The following KDM7A variants were observed in gnomAD, a reference collection of about 807,000 sequenced individuals.
KDM7A encodes the protein lysine demethylase 7A, also known as lysine-specific demethylase 7A.
In KDM7A, 28 loss-of-function variants were observed where a neutral mutation model predicts 114.8. The observed-to-expected ratio is 0.24, with a 90% CI of 0.18 to 0.33. The LOEUF is 0.33. Ranked by LOEUF, KDM7A falls within the 10% of genes least tolerant of loss-of-function variation. The pLI, the probability that KDM7A is intolerant of heterozygous loss-of-function variation, is 1.00. For missense variants in KDM7A, 942 were observed against 1,142.5 expected (o/e 0.82, Z 2.53); for synonymous variants, 423 against 397.8 (o/e 1.06, Z -0.75).
At chr7:140,101,479 CT>C (rs140588208) in intron 12 of KDM7A, among the ~76,000 whole-genome samples, 201 of 152,308 alleles carry the variant, frequency 1.3e-3, no homozygotes, top group African/African-American at 4.7e-3. Flanking sequence ...ACCTGAGAGG[CT>C]CTCTGACCAC....
Position 140,084,952 on chromosome 7 carries a change from CT to C in KDM7A, c.*6141del, listed in dbSNP as rs1817898595. 1 of 152,180 alleles carries C rather than the reference CT, an allele frequency of 6.6e-6. No individual in the cohort carries two copies. The highest frequency in any genetic ancestry group is 6.5e-5 in the Admixed American group (1 of 15,282). 9.4% of individuals were successfully genotyped at this position (152,180 alleles called of 1,614,324 possible). A position where few individuals can be genotyped will look rare whatever the true frequency, so the allele number is the denominator to read the frequency against. On this transcript the variant is annotated 3_prime_UTR_variant, in exon 20 of 20. Transcript: ENST00000397560. ...CTTTAAACAAGTCACTTGTCCTCCC[CT>C]ATAATAATCAATGTAAGCTACTTAA...
rs1032394892 is a variant in KDM7A at position 140,176,501 on chromosome 7, G to C, written c.194+243C>G. Reference sequence around the variant, plus strand: ...ACTTATCCGCCGGCCCTCTTTGTTCGTGTTTGTTGTGGCGACTCTTCGCCC... The same window carrying C: ...ACTTATCCGCCGGCCCTCTTTGTTCCTGTTTGTTGTGGCGACTCTTCGCCC... On this transcript the variant is annotated intron_variant, in intron 1 of 19. Transcript: ENST00000397560. This position sits in a 1 kb window ranked among gnomAD's most constrained non-coding sequence, Gnocchi z 4.4. 6.8e-6 allele frequency among the ~76,000 whole-genome samples: 1 copy of C among 146,766 alleles called. No homozygotes were observed. Among genetic ancestry groups the C allele is most frequent in the Non-Finnish European group, 1.5e-5 (1 of 65,966 alleles).
intron 1 of KDM7A, among the ~76,000 whole-genome samples, chr7:140,172,085 G>C (rs547090095): frequency 2.0e-5 from 3 of 152,200 alleles, no homozygotes; most frequent in East Asian, 3.9e-4. Flanking sequence ...AGGATGCAGG[G>C]AACTAAAAGT....
Position 140,099,981 on chromosome 7 carries a change from G to A in KDM7A, c.1681C>T (p.Leu561Phe). 1 of 1,613,734 alleles carries A rather than the reference G, an allele frequency of 6.2e-7. No homozygotes were observed. The highest frequency in any genetic ancestry group is 8.5e-7 in the Non-Finnish European group (1 of 1,179,606). Residue 561 changes from leucine (L) to phenylalanine (F), a missense_variant, in exon 13 of 20, where the codon CTC becomes TTC. Transcript: ENST00000397560. Reference sequence around the variant, plus strand: ...TCAGGTACTGTGGAGGATGGTTGGAGATGTTTGTTGAATTTTCCATTCAGT... The same window carrying A: ...TCAGGTACTGTGGAGGATGGTTGGAAATGTTTGTTGAATTTTCCATTCAGT... ...SKLNGKFNKH[L>F]QPSSTVPEWR...
chr7:140,148,566 T>C (rs965984430), intron 1 of KDM7A, among the ~76,000 whole-genome samples: 10 of 152,204 alleles, frequency 6.6e-5, no homozygotes, highest in African/African-American at 2.2e-4. Context: ...ATAAGGCTTA[T>C]TAATTGGCTT....
In KDM7A at chr7:140,130,825, CCCGT is replaced by C. The variant is rs553930136; in HGVS notation, c.399-1176_399-1173del. ...CATTGACAACTACTGATTTAAATGACCCGTTACAACCAGTATTTAATAAGTCTTT... is the reference window on the plus strand; with the variant it reads ...CATTGACAACTACTGATTTAAATGACTACAACCAGTATTTAATAAGTCTTT... On this transcript the variant is annotated intron_variant, in intron 3 of 19. Transcript: ENST00000397560. Among the ~76,000 whole-genome samples the C allele has an allele frequency of 4.0e-3, 607 of 151,024 alleles. 8 individuals carry two copies. The highest frequency in any genetic ancestry group is 0.014 in the African/African-American group (555 of 41,016).
intron 11 of KDM7A, among the ~76,000 whole-genome samples, chr7:140,102,935 C>T (rs1395311076): frequency 6.6e-6 from 1 of 152,204 alleles, no homozygotes; most frequent in Non-Finnish European, 1.5e-5. Context: ...CCAGAGGCAA[C>T]CACTTGCAAC....
chr7:140,089,793 G>A lies in KDM7A; in HGVS notation c.*1301C>T, dbSNP rs191169782. 1.3e-5 allele frequency: 2 copies of A among 152,220 alleles called. No individual in the cohort carries two copies. The highest frequency in any genetic ancestry group is 3.9e-4 in the East Asian group (2 of 5,192). The allele number at this position is 152,220 out of a possible 1,614,324, so 9.4% of individuals were successfully genotyped here. A position where few individuals can be genotyped will look rare whatever the true frequency, so the allele number is the denominator to read the frequency against. On this transcript the variant is annotated 3_prime_UTR_variant, in exon 20 of 20. Coordinates refer to ENST00000397560, the MANE Select transcript of KDM7A (RefSeq NM_030647.2). The stretch of plus-strand genomic sequence containing the variant: ...TGTACTGGTCAGGTTAGGATAGATG[G>A]AAGAAACTGCCAAAAGCACCCATTT...
intron 3 of KDM7A, among the ~76,000 whole-genome samples, chr7:140,130,940 G>A (rs1320057081): frequency 2.9e-5 from 4 of 136,886 alleles, no homozygotes; most frequent in South Asian, 4.9e-4. Flanking sequence ...TGCAAGCTCC[G>A]CCTCCTGGGT....
rs1393417101 is a variant in KDM7A at position 140,170,383 on chromosome 7, A to C, written c.194+6361T>G. 2.0e-5 allele frequency among the ~76,000 whole-genome samples: 3 copies of C among 152,240 alleles called. No individual in the cohort carries two copies. The East Asian group carries it at 5.8e-4, about 29-fold the overall frequency. ...CAACTGTCTCACCTATGCACCCCTG[A>C]GATAGAGACAGACAAGTCACATCTA... On this transcript the variant is annotated intron_variant, in intron 1 of 19. Transcript: ENST00000397560.
At chr7:140,114,698 G>A (rs2116778220) in intron 9 of KDM7A, among the ~76,000 whole-genome samples, 1 of 151,640 alleles carries the variant, frequency 6.6e-6, no homozygotes, top group East Asian at 2.0e-4. Flanking sequence ...CCTCTTCCCG[G>A]CTGCCATCCC....
At chr7:140,103,048 C>T (rs1818258745) in intron 11 of KDM7A, among the ~76,000 whole-genome samples, 1 of 152,128 alleles carries the variant, frequency 6.6e-6, no homozygotes. Flanking sequence ...GCACAACCAT[C>T]ACTGCCATCC....
Position 140,086,734 on chromosome 7 carries a change from C to T in KDM7A, c.*4360G>A, listed in dbSNP as rs574687948. On this transcript the variant is annotated 3_prime_UTR_variant, in exon 20 of 20. Coordinates refer to ENST00000397560, the MANE Select transcript of KDM7A (RefSeq NM_030647.2). Reference sequence around the variant, plus strand: ...AGGCCCCAGATCCACTGTGTCTCCCCACGCAAATCACTGTCCACTCTGGGT... The same window carrying T: ...AGGCCCCAGATCCACTGTGTCTCCCTACGCAAATCACTGTCCACTCTGGGT... The T allele has an allele frequency of 5.3e-5, 8 of 152,152 alleles. No homozygotes were observed. Among genetic ancestry groups the T allele is most frequent in the African/African-American group, 1.7e-4 (7 of 41,492 alleles). The allele number at this position is 152,152 out of a possible 1,614,324, so 9.4% of individuals were successfully genotyped here.
chr7:140,156,186 AT>A (rs567320497), intron 1 of KDM7A, among the ~76,000 whole-genome samples: 2 of 151,994 alleles, frequency 1.3e-5, no homozygotes, highest in Non-Finnish European at 2.9e-5. Flanking sequence ...AAGGCAGTGT[AT>A]TTTTTTTGAA....
intron 9 of KDM7A, among the ~76,000 whole-genome samples, chr7:140,116,100 G>A (rs1818525056): frequency 6.6e-6 from 1 of 152,156 alleles, no homozygotes; most frequent in Non-Finnish European, 1.5e-5. Context: ...GAAACAATTT[G>A]GCAGCAACTG....
chr7:140,126,462 T>TA (rs34839940), intron 6 of KDM7A, among the ~76,000 whole-genome samples, 175 bp downstream of exon 6: 30 of 143,626 alleles, frequency 2.1e-4, no homozygotes, highest in East Asian at 6.3e-4. Context: ...TATTTGAGAT[T>TA]AAAAAAAAAA....
At chr7:140,093,122 T>C (rs1053436001) in intron 18 of KDM7A, among the ~76,000 whole-genome samples, 12 of 152,176 alleles carry the variant, frequency 7.9e-5, no homozygotes, top group African/African-American at 2.9e-4. Context: ...ATTAATGATG[T>C]TCCATATTTA....
intron 1 of KDM7A, among the ~76,000 whole-genome samples, chr7:140,144,938 C>T (rs1427734488): frequency 1.3e-5 from 2 of 152,156 alleles, no homozygotes; most frequent in South Asian, 2.1e-4. Flanking sequence ...ACCTACTCCC[C>T]CTTCGCCTTC....
At chr7:140,175,407 A>G (rs968751748) in intron 1 of KDM7A, among the ~76,000 whole-genome samples, 13 of 152,142 alleles carry the variant, frequency 8.5e-5, no homozygotes, top group Admixed American at 5.2e-4. Context: ...TCCTGCTGTC[A>G]ATCAAAAGAC....
Sources: gnomAD v4.1 joint callset for allele counts (sites outside exome capture counted in the v4.1 genomes callset) on GRCh38, gnomAD v4.1.1 for gene constraint, Gnocchi (gnomAD v3.1) non-coding constraint, MANE v1.5 for transcripts, NCBI Gene and HGNC (gene_info 2026-07-23, HGNC 2026-07-21) for gene names.